Variants in TPX2 observed in about 807,000 individuals in gnomAD.
TPX2 encodes the protein TPX2 microtubule nucleation factor, also known as targeting protein for Xklp2.
Under a neutral mutation model 93.6 loss-of-function variants are expected in TPX2, and 21 were observed. That is an observed-to-expected ratio of 0.22 (90% CI 0.16 to 0.32). TPX2 has a LOEUF of 0.32. TPX2 is among the 10% of genes least tolerant of loss of function. The pLI, the probability that TPX2 is intolerant of heterozygous loss-of-function variation, is 1.00. For missense variants in TPX2, 776 were observed against 871.1 expected, an observed-to-expected ratio of 0.89 and a Z score of 1.37; for synonymous variants, 281 against 298.3, an observed-to-expected ratio of 0.94 and a Z score of 0.60.
chr20:31,793,223 T>C (rs2062113914), intron 13 of TPX2, among the ~76,000 whole-genome samples: 1 of 152,208 alleles, frequency 6.6e-6, no homozygotes, highest in Non-Finnish European at 1.5e-5. Context: ...CACCTTGTCC[T>C]ATCTCCGTTA....
chr20:31,743,726 GT>G (rs557157321), intron 2 of TPX2, among the ~76,000 whole-genome samples: 83 of 134,608 alleles, frequency 6.2e-4, no homozygotes, highest in East Asian at 1.1e-3. Flanking sequence ...TACAGATGCA[GT>G]TTTTTTTTTT....
intron 4 of TPX2, among the ~76,000 whole-genome samples, chr20:31,760,799 T>C (rs1198414856): frequency 6.6e-6 from 1 of 152,192 alleles, no homozygotes; most frequent in Non-Finnish European, 1.5e-5. Context: ...AAGAATTCTT[T>C]GAGTTATGTA....
At chr20:31,789,922 T>TA (rs760491673) in intron 12 of TPX2, among the ~76,000 whole-genome samples, 9 of 152,234 alleles carry the variant, frequency 5.9e-5, no homozygotes, top group East Asian at 5.8e-4. Context: ...AATCCTCAAT[T>TA]ACTTATTTCA....
intron 4 of TPX2, among the ~76,000 whole-genome samples, chr20:31,760,721 T>C (rs756501199): frequency 6.6e-6 from 1 of 152,170 alleles, no homozygotes; most frequent in African/African-American, 2.4e-5. Flanking sequence ...AGATTTAATG[T>C]AACCTAACCT....
At position 31,779,004 on chromosome 20, in the gene TPX2, C is replaced by T. The variant is rs761852075; in HGVS notation, c.1054+20C>T. 1.3e-6 allele frequency: 2 copies of T among 1,549,358 alleles called. No homozygotes were observed. Among genetic ancestry groups the T allele is most frequent in the East Asian group, 2.3e-5 (1 of 42,856 alleles). ...ATATTAGTAAGTTTCCTACCAGTAT[C>T]ACAGTTGGATGGAACCTCTCCTACA... On this transcript the variant is annotated intron_variant, in intron 10 of 17. Coordinates refer to ENST00000300403, the MANE Select transcript of TPX2 (RefSeq NM_012112.5).
chr20:31,786,560 T>C (rs948282972), intron 12 of TPX2, among the ~76,000 whole-genome samples: 5 of 152,118 alleles, frequency 3.3e-5, no homozygotes, highest in Non-Finnish European at 7.4e-5. Flanking sequence ...CACACCACCA[T>C]GCCCAGCTAA....
intron 4 of TPX2, among the ~76,000 whole-genome samples, chr20:31,761,087 T>C (rs1230345616): frequency 6.6e-6 from 1 of 152,186 alleles, no homozygotes; most frequent in African/African-American, 2.4e-5. Context: ...GCAACCATCA[T>C]CCTATCAGTT....
intron 5 of TPX2, 141 bp from the exon 6 acceptor site, chr20:31,770,202 A>G (rs909384308): frequency 1.5e-4 from 70 of 465,320 alleles, no homozygotes; most frequent in Non-Finnish European, 2.2e-4. Context: ...TCAACAAGAG[A>G]GATTAGATTT....
intron 12 of TPX2, among the ~76,000 whole-genome samples, chr20:31,790,256 T>C (rs967415547): frequency 1.3e-5 from 2 of 152,184 alleles, no homozygotes; most frequent in Admixed American, 6.5e-5. Context: ...TTAGAAAACA[T>C]ATAAGAAATT....
At chr20:31,798,689 C>T in intron 17 of TPX2, 137 bp downstream of exon 17, 1 of 1,060,662 alleles carries the variant, frequency 9.4e-7, no homozygotes, top group Non-Finnish European at 1.3e-6. Flanking sequence ...GGGAATTGCA[C>T]AAACTGAGGG....
chr20:31,785,439 G>T (rs13041282), intron 12 of TPX2, among the ~76,000 whole-genome samples: 12,223 of 151,950 alleles, frequency 0.08, 647 homozygotes, highest in Middle Eastern at 0.16. Flanking sequence ...CCAGATAAGA[G>T]AAATTATTTC....
At position 31,801,090 on chromosome 20, in the gene TPX2, T is replaced by C; in HGVS notation, c.*10T>C. ...TCGATTCCACTGCTAAACTCAGCTG[T>C]GAGCTGCGGATACCGCCCGGCAATG... On this transcript the variant is annotated 3_prime_UTR_variant, in exon 18 of 18. Transcript: ENST00000300403. 1.2e-6 allele frequency: 2 copies of C among 1,613,098 alleles called. No individual in the cohort carries two copies. The highest frequency in any genetic ancestry group is 8.5e-7 in the Non-Finnish European group (1 of 1,179,040).
intron 2 of TPX2, among the ~76,000 whole-genome samples, chr20:31,751,416 C>T (rs1214344907): frequency 6.6e-6 from 1 of 151,996 alleles, no homozygotes; most frequent in Non-Finnish European, 1.5e-5. Context: ...CATATTTGTT[C>T]ACAAGAAAAG....
At chr20:31,792,359 AAAAC>A (rs953209534) in intron 12 of TPX2, among the ~76,000 whole-genome samples, 5 of 152,192 alleles carry the variant, frequency 3.3e-5, no homozygotes, top group Admixed American at 6.5e-5. Context: ...ACTCTGTCTC[AAAAC>A]AAACAAACAA....
intron 7 of TPX2, among the ~76,000 whole-genome samples, chr20:31,772,971 CTTTT>C (rs558541526): frequency 6.2e-5 from 6 of 96,478 alleles, no homozygotes; most frequent in African/African-American, 2.6e-4. Flanking sequence ...GTGCCATCGG[CTTTT>C]TTTTTTTTTT....
chr20:31,771,607 A>T lies in TPX2; in HGVS notation c.533A>T (p.Asp178Val), dbSNP rs749740782. Residue 178 changes from aspartate (D) to valine (V), a missense_variant, in exon 7 of 18, where the codon GAT becomes GTT. Around this residue, in one of 3 missense-constraint regions of TPX2, gnomAD observed 279 missense variants for 261.6 expected, o/e 1.07. Coordinates refer to ENST00000300403, the MANE Select transcript of TPX2 (RefSeq NM_012112.5). ...KPEEEGSAHQ[D>V]TAEKNASSPE... ...GAGGAAGAAGGCAGTGCTCATCAAG[A>T]TACTGCTGAAAAGAATGCATCTTCC... The T allele has an allele frequency of 6.2e-7, 1 of 1,614,042 alleles. No individual in the cohort carries two copies. Among genetic ancestry groups the T allele is most frequent in the South Asian group, 1.1e-5 (1 of 91,066 alleles).
intron 4 of TPX2, among the ~76,000 whole-genome samples, chr20:31,764,161 CACAT>C (rs1568926159): frequency 6.7e-6 from 1 of 148,794 alleles, no homozygotes; most frequent in African/African-American, 2.5e-5. Flanking sequence ...CATACATGTA[CACAT>C]ACATGTATAT....
intron 12 of TPX2, among the ~76,000 whole-genome samples, chr20:31,790,371 A>C (rs931457335): frequency 2.0e-5 from 3 of 152,238 alleles, no homozygotes; most frequent in African/African-American, 7.2e-5. Flanking sequence ...TGCATCTTGA[A>C]TCCTGAGATG....
intron 12 of TPX2, among the ~76,000 whole-genome samples, chr20:31,786,409 T>TTTTTGTTTTTTG (rs1555787881): frequency 2.2e-4 from 33 of 146,986 alleles, no homozygotes; most frequent in Admixed American, 8.7e-4. Context: ...TGTTTTTTTT[T>TTTTTGTTTTTTG]TTTTTTGAGA....
Sources: allele counts gnomAD v4.1 joint callset (sites outside exome capture counted in the v4.1 genomes callset), GRCh38; gene constraint gnomAD v4.1.1; regional missense constraint gnomAD v4.1.1; transcripts MANE v1.5; gene names NCBI Gene and HGNC (gene_info 2026-07-23, HGNC 2026-07-21).